The following BCKDHA variants were observed in gnomAD, a reference collection of about 807,000 sequenced individuals.
BCKDHA encodes branched chain keto acid dehydrogenase E1 subunit alpha.
A neutral mutation model predicts 52.2 loss-of-function variants in BCKDHA; 43 were observed. That is an observed-to-expected ratio of 0.82 (90% CI 0.64 to 1.06). The LOEUF is 1.06. Among genes scored for constraint, BCKDHA ranks in the 50% least tolerant of loss-of-function variants. The pLI is 0.00. For synonymous variants in BCKDHA, 234 were observed against 247.9 expected (o/e 0.94, Z 0.53); for missense variants, 527 against 621.3 (o/e 0.85, Z 1.61).
chr19:41,421,746 C>T (rs2039367841), intron 5 of BCKDHA, among the ~76,000 whole-genome samples: 1 of 151,978 alleles, frequency 6.6e-6, no homozygotes, highest in South Asian at 2.1e-4. Flanking sequence ...TGGCCTGGCT[C>T]ACCTCTTCAT....
At chr19:41,422,815 C>G in intron 7 of BCKDHA, 45 bp downstream of exon 7, 1 of 1,611,434 alleles carries the variant, frequency 6.2e-7, no homozygotes, top group Admixed American at 1.7e-5. Context: ...CACTGACAGC[C>G]ACCGTAGCAT....
Position 41,424,865 on chromosome 19 carries a change from G to C in BCKDHA, c.*257G>C. ...GTTGTTACAGTGCCTTCTCCCAGGG[G>C]CTGGGTGAGGGCACATTCAGGACTA... On this transcript the variant is annotated 3_prime_UTR_variant, in exon 9 of 9. Transcript: ENST00000269980. The C allele has an allele frequency of 2.2e-6, 1 of 463,682 alleles. No individual in the cohort carries two copies. The highest frequency in any genetic ancestry group is 3.9e-6 in the Non-Finnish European group (1 of 258,688). 28.7% of individuals were successfully genotyped at this position (463,682 alleles called of 1,614,324 possible).
chr19:41,410,666 A>T lies in BCKDHA; in HGVS notation c.138A>T (p.Ser46=), dbSNP rs1342568998. The change falls in exon 2 of 9, where the codon TCA becomes TCT. Residue 46 remains serine, a synonymous_variant. Coordinates refer to ENST00000269980, the MANE Select transcript of BCKDHA (RefSeq NM_000709.4). ...CCCCCAGGCAGCAGCAGCAGTTTTCATCTCTGGATGACAAGCCCCAGTTCC... is the reference window on the plus strand; with the variant it reads ...CCCCCAGGCAGCAGCAGCAGTTTTCTTCTCTGGATGACAAGCCCCAGTTCC... The part of the protein sequence containing the change: ...SHPPRQQQQF[S]SLDDKPQFPG... 1.2e-6 allele frequency: 2 copies of T among 1,614,178 alleles called. No individual in the cohort carries two copies. Among genetic ancestry groups the T allele is most frequent in the East Asian group, 2.2e-5 (1 of 44,876 alleles).
chr19:41,405,965 A>T (rs968722032), intron 1 of BCKDHA, among the ~76,000 whole-genome samples: 14 of 151,294 alleles, frequency 9.3e-5, no homozygotes, highest in Non-Finnish European at 3.0e-5. Context: ...AGACTCCCCC[A>T]CCCCCTTCCA....
At chr19:41,424,395 A>G in intron 8 of BCKDHA, 43 bp from the exon 9 acceptor site, 2 of 1,612,040 alleles carry the variant, frequency 1.2e-6, no homozygotes, top group Non-Finnish European at 1.7e-6. Flanking sequence ...AGGGTCCTGC[A>G]TGGGAGGCCG....
Position 41,410,989 on chromosome 19 carries a change from C to T in BCKDHA, c.355C>T (p.Leu119Phe), listed in dbSNP as rs748405960. ...MTLLNTMDRI[L>F]YESQRQGRIS... ...ACTGCTTAACACCATGGACCGCATCCTCTATGAGTCTCAGCGGCAGGTGCG... is the reference window on the plus strand; with the variant it reads ...ACTGCTTAACACCATGGACCGCATCTTCTATGAGTCTCAGCGGCAGGTGCG... Residue 119 changes from leucine (L) to phenylalanine (F), a missense_variant, in exon 3 of 9, where the codon CTC becomes TTC. Physicochemically the swap from Leu to Phe is conservative, Grantham distance 22 (BLOSUM62 0). Coordinates refer to ENST00000269980, the MANE Select transcript of BCKDHA (RefSeq NM_000709.4). 1 of 1,614,134 alleles carries T rather than the reference C, an allele frequency of 6.2e-7. No individual in the cohort carries two copies. Among genetic ancestry groups the T allele is most frequent in the Non-Finnish European group, 8.5e-7 (1 of 1,180,034 alleles).
In BCKDHA at chr19:41,424,600, G is replaced by T. The variant is rs539261230; in HGVS notation, c.1330G>T (p.Asp444Tyr). ...YGEHYPLDHF[D>Y]K is the part of the protein sequence containing the mutation. ...GGAGCACTACCCACTGGATCACTTC[G>T]ATAAGTGAGACCTGCTCAGCCCACC... Residue 444 changes from aspartate to tyrosine, a missense_variant, in exon 9 of 9, where the codon GAT becomes TAT. Asp to Tyr is a radical substitution (Grantham distance 160). Transcript: ENST00000269980. 1.9e-6 allele frequency: 3 copies of T among 1,601,854 alleles called. No individual in the cohort carries two copies. Among genetic ancestry groups the T allele is most frequent in the African/African-American group, 1.3e-5 (1 of 74,736 alleles).
Position 41,424,810 on chromosome 19 carries a change from G to C in BCKDHA, c.*202G>C. The C allele has an allele frequency of 1.7e-6, 1 of 587,248 alleles. No homozygotes were observed. Among genetic ancestry groups the C allele is most frequent in the Admixed American group, 3.3e-5 (1 of 30,250 alleles). The allele number at this position is 587,248 out of a possible 1,614,324, so 36.4% of individuals were successfully genotyped here. A position where few individuals can be genotyped will look rare whatever the true frequency, so the allele number is the denominator to read the frequency against. On this transcript the variant is annotated 3_prime_UTR_variant, in exon 9 of 9. Coordinates refer to ENST00000269980, the MANE Select transcript of BCKDHA (RefSeq NM_000709.4). ...TCAGGGGACAGCATCTGCAGCAGTT[G>C]CTGAGGCTCCGTCAGCCCCCTCTTC...
chr19:41,409,328 C>G (rs2039226813), intron 1 of BCKDHA, among the ~76,000 whole-genome samples: 1 of 152,126 alleles, frequency 6.6e-6, no homozygotes, highest in Non-Finnish European at 1.5e-5. Flanking sequence ...GAAGCCTTAC[C>G]CTCGCTTTCT....
chr19:41,397,861 C>T lies in BCKDHA; in HGVS notation c.34C>T (p.Arg12Trp). 1.9e-6 allele frequency: 3 copies of T among 1,614,196 alleles called. No individual in the cohort carries two copies. The highest frequency in any genetic ancestry group is 1.1e-5 in the South Asian group (1 of 91,080). The change falls in exon 1 of 9, where the codon CGG (arginine) becomes TGG (tryptophan). Residue 12 changes from arginine (R) to tryptophan (W), a missense_variant. Arg to Trp is a moderately radical substitution (Grantham distance 101, BLOSUM62 -3). Transcript: ENST00000269980. ...AVAIAAARVWRLNRGLSQAAL... is the reference protein window; with the variant it reads ...AVAIAAARVWWLNRGLSQAAL... ...AGCGATCGCTGCAGCGAGGGTCTGG[C>T]GGCTAAACCGTGGTTTGAGCCAGGC...
In BCKDHA at chr19:41,410,912, T is replaced by C; in HGVS notation, c.289-11T>C. On this transcript the variant is annotated splice_polypyrimidine_tract_variant and intron_variant, in intron 2 of 8. Transcript: ENST00000269980. Reference sequence around the variant, plus strand: ...CAACTGCCCCACGTCTATCTGTGCCTCCACCCGCAGCTGCCGAAGGAGAAG... The same window carrying C: ...CAACTGCCCCACGTCTATCTGTGCCCCCACCCGCAGCTGCCGAAGGAGAAG... The C allele has an allele frequency of 6.2e-7, 1 of 1,614,058 alleles. No homozygotes were observed. The highest frequency in any genetic ancestry group is 1.3e-5 in the African/African-American group (1 of 75,026).
chr19:41,422,700 G>T lies in BCKDHA; in HGVS notation c.925G>T (p.Ala309Ser). Residue 309 changes from alanine to serine, a missense_variant, in exon 7 of 9, where the codon GCC (alanine) becomes TCC (serine). Physicochemically the swap from Ala to Ser is moderately conservative, Grantham distance 99 (BLOSUM62 1). Coordinates refer to ENST00000269980, the MANE Select transcript of BCKDHA (RefSeq NM_000709.4). ...DGNDVFAVYN[A>S]TKEARRRAVA... is the part of the protein sequence containing the mutation. Reference sequence around the variant, plus strand: ...TAATGATGTGTTTGCCGTATACAACGCCACAAAGGAGGCCCGACGGCGGGC... The same window carrying T: ...TAATGATGTGTTTGCCGTATACAACTCCACAAAGGAGGCCCGACGGCGGGC... The T allele has an allele frequency of 6.2e-7, 1 of 1,614,072 alleles. No homozygotes were observed. Among genetic ancestry groups the T allele is most frequent in the South Asian group, 1.1e-5 (1 of 91,086 alleles).
chr19:41,413,990 C>T, intron 3 of BCKDHA, 59 bp from the exon 4 acceptor site: 1 of 1,422,606 alleles, frequency 7.0e-7, no homozygotes, highest in South Asian at 1.1e-5. Flanking sequence ...ATTTGGATGG[C>T]TCTCTGTCAT....
At chr19:41,409,961 C>T (rs780416019) in intron 1 of BCKDHA, among the ~76,000 whole-genome samples, 3 of 152,036 alleles carry the variant, frequency 2.0e-5, no homozygotes, top group African/African-American at 7.3e-5. Flanking sequence ...CCACCACATC[C>T]GGCTAATTTT....
chr19:41,416,711 G>C (rs998261353), intron 4 of BCKDHA, among the ~76,000 whole-genome samples: 7 of 152,088 alleles, frequency 4.6e-5, no homozygotes, highest in African/African-American at 1.7e-4. Context: ...CTTGAGCCCA[G>C]GAGTTTGATA....
intron 1 of BCKDHA, among the ~76,000 whole-genome samples, chr19:41,398,137 G>A (rs1358301770): frequency 6.6e-6 from 1 of 152,164 alleles, no homozygotes; most frequent in Non-Finnish European, 1.5e-5. Flanking sequence ...CTTTAGGAGA[G>A]GAAAAAACCC....
chr19:41,424,155 T>A (rs1180762756), intron 8 of BCKDHA, among the ~76,000 whole-genome samples: 1 of 152,182 alleles, frequency 6.6e-6, no homozygotes, highest in Non-Finnish European at 1.5e-5. Context: ...CAGCACCGTG[T>A]GTCCTGTCCC....
At chr19:41,400,961 G>A (rs1485214365) in intron 1 of BCKDHA, among the ~76,000 whole-genome samples, 1 of 152,014 alleles carries the variant, frequency 6.6e-6, no homozygotes, top group East Asian at 2.0e-4. Flanking sequence ...GCAGTGAGCC[G>A]AGATCGCACC....
rs775372632 is a variant in BCKDHA at position 41,423,183 on chromosome 19, G to A, written c.1167+14G>A. 6.7e-5 allele frequency: 104 copies of A among 1,550,500 alleles called. No homozygotes were observed. Among genetic ancestry groups the A allele is most frequent in the Admixed American group, 1.6e-4 (8 of 50,958 alleles). ...TCCCGCAGGAAGGTGAGGGTGCCCC[G>A]CCCGGGAGGGTGTGCTGGGGGCTGC... On this transcript the variant is annotated intron_variant, in intron 8 of 8. Coordinates refer to ENST00000269980, the MANE Select transcript of BCKDHA (RefSeq NM_000709.4).
Sources: gnomAD v4.1 joint callset for allele counts (sites outside exome capture counted in the v4.1 genomes callset) on GRCh38, gnomAD v4.1.1 for gene constraint, MANE v1.5 for transcripts, NCBI Gene and HGNC (gene_info 2026-07-23, HGNC 2026-07-21) for gene names.